POT1: variants seen among roughly 807,000 people sequenced by gnomAD.
POT1 encodes the protein protection of telomeres 1, also known as protection of telomeres protein 1.
In POT1, 47 loss-of-function variants were observed where a neutral mutation model predicts 78.5. The ratio of observed to expected loss-of-function variants is 0.60; its 90% CI spans 0.47 to 0.76. The LOEUF (loss-of-function observed/expected upper bound fraction) is 0.76, where lower values mean the gene tolerates loss of function less well. Ranked by LOEUF, POT1 falls within the 30% of genes least tolerant of loss-of-function variation. POT1 has a pLI of 0.00. For missense variants in POT1, 646 were observed against 749.9 expected (o/e 0.86, Z 1.62); for synonymous variants, 259 against 260.7 (o/e 0.99, Z 0.06).
At chr7:124,830,580 GTCAAAATTAAATACAGAACTACTTACT>G (rs1475173167) in intron 15 of POT1, among the ~76,000 whole-genome samples, 1 of 151,968 alleles carries the variant, frequency 6.6e-6, no homozygotes, top group African/African-American at 2.4e-5. Flanking sequence ...AGGATATTAA[GTCAAAATTAAATACAGAACTACTTACT>G]TCCAAAGCAG....
At chr7:124,842,373 A>T (rs900116021) in intron 13 of POT1, among the ~76,000 whole-genome samples, 1 of 152,018 alleles carries the variant, frequency 6.6e-6, no homozygotes. Context: ...AAGAAAATTT[A>T]AATTATATTT....
At chr7:124,869,048 C>T (rs909673349) in intron 7 of POT1, among the ~76,000 whole-genome samples, 2 of 151,932 alleles carry the variant, frequency 1.3e-5, no homozygotes, top group Non-Finnish European at 2.9e-5. Flanking sequence ...AAAGAAGTGG[C>T]TGAATTATTA....
At position 124,841,055 on chromosome 7, in the gene POT1, T is replaced by G. The variant is rs777842421; in HGVS notation, c.1287A>C (p.Gln429His). 1.9e-6 allele frequency: 3 copies of G among 1,612,880 alleles called. No individual in the cohort carries two copies. In the Admixed American group the frequency reaches 5.0e-5, roughly 27 times the overall value. Residue 429 changes from glutamine to histidine, a missense_variant, in exon 14 of 19, where the codon CAA (glutamine) becomes CAC (histidine). Coordinates refer to ENST00000357628, the MANE Select transcript of POT1 (RefSeq NM_015450.3). ...YDSKIWTTKNQKGRKVAVHFV... is the reference protein window; with the variant it reads ...YDSKIWTTKNHKGRKVAVHFV... ...AATGAACTGCTACTTTTCGTCCTTT[T>G]TGATTTTTAGTGGTCCAGATTTTTG...
chr7:124,885,562 C>T (rs1796224228), intron 6 of POT1, among the ~76,000 whole-genome samples: 1 of 151,874 alleles, frequency 6.6e-6, no homozygotes, highest in Non-Finnish European at 1.5e-5. Flanking sequence ...GTCAGGAGAT[C>T]GAGACCATCC....
intron 15 of POT1, among the ~76,000 whole-genome samples, chr7:124,832,013 A>AT (rs1321993747): frequency 9.8e-4 from 148 of 150,662 alleles, no homozygotes; most frequent in African/African-American, 3.4e-3. Flanking sequence ...AAAAAAAAAA[A>AT]AAAAAAAAAG....
chr7:124,857,054 T>C (rs1026298863), intron 9 of POT1, among the ~76,000 whole-genome samples: 2 of 152,176 alleles, frequency 1.3e-5, no homozygotes, highest in Non-Finnish European at 2.9e-5. Context: ...TGTTGTTTTG[T>C]TTTCTAATTA....
intron 15 of POT1, among the ~76,000 whole-genome samples, chr7:124,830,447 T>C (rs981586568): frequency 3.3e-5 from 5 of 152,178 alleles, no homozygotes; most frequent in Non-Finnish European, 7.4e-5. Context: ...TTATTAAATA[T>C]ATAGGTGTTT....
intron 2 of POT1, among the ~76,000 whole-genome samples, chr7:124,923,751 T>TA (rs941364245): frequency 0.01 from 1,432 of 143,052 alleles, 17 homozygotes; most frequent in African/African-American, 0.023. Context: ...AAGTCAAAGT[T>TA]AAAAAAAAAA....
At chr7:124,827,699 T>C (rs543457756) in intron 16 of POT1, among the ~76,000 whole-genome samples, 3 of 152,324 alleles carry the variant, frequency 2.0e-5, no homozygotes, top group East Asian at 3.9e-4. Flanking sequence ...GAATATCTTA[T>C]GATAAGCAAT....
At chr7:124,870,487 T>C (rs1476599359) in intron 7 of POT1, among the ~76,000 whole-genome samples, 2 of 152,154 alleles carry the variant, frequency 1.3e-5, no homozygotes, top group African/African-American at 4.8e-5. Flanking sequence ...ATGTTTTCAT[T>C]GAACTTGAAT....
intron 9 of POT1, among the ~76,000 whole-genome samples, chr7:124,858,121 C>T (rs921392700): frequency 2.6e-5 from 4 of 152,102 alleles, no homozygotes; most frequent in African/African-American, 4.8e-5. Context: ...AGTTCCTGCC[C>T]GTGAAGGGGT....
At chr7:124,890,480 T>A (rs1340353618) in intron 6 of POT1, among the ~76,000 whole-genome samples, 1 of 151,964 alleles carries the variant, frequency 6.6e-6, no homozygotes, top group East Asian at 1.9e-4. Context: ...TAAGTTCTAC[T>A]GTGAATAAAA....
chr7:124,901,060 C>A (rs1796607322), intron 3 of POT1, among the ~76,000 whole-genome samples: 1 of 152,142 alleles, frequency 6.6e-6, no homozygotes, highest in African/African-American at 2.4e-5. Flanking sequence ...CTGTAGATTC[C>A]ACCTCTGGGG....
At chr7:124,907,683 G>A (rs1010224283) in intron 3 of POT1, among the ~76,000 whole-genome samples, 2 of 152,090 alleles carry the variant, frequency 1.3e-5, no homozygotes, top group Non-Finnish European at 2.9e-5. Flanking sequence ...TGATGTCATT[G>A]CAGGTTCACC....
chr7:124,870,913 T>C lies in POT1; in HGVS notation c.253A>G (p.Lys85Glu). ...GTTCTAGACAATATGAATTATACCT[T>C]CAGCCTGTGAAAGCGAACAATATCT... is the stretch of plus-strand genomic sequence containing the variant. ...NGDIVRFHRLKIQVYKKETQG... is the reference protein window; with the variant it reads ...NGDIVRFHRLEIQVYKKETQG... Residue 85 changes from lysine (K) to glutamate (E), a missense_variant and splice_region_variant, in exon 7 of 19, where the codon AAG becomes GAG. By Grantham distance (56) the Lys-to-Glu change is moderately conservative. This residue lies in a region of POT1 where 252 missense variants were observed against 341.4 expected (regional missense o/e 0.74). Coordinates refer to ENST00000357628, the MANE Select transcript of POT1 (RefSeq NM_015450.3). The C allele has an allele frequency of 1.2e-6, 2 of 1,605,368 alleles. No homozygotes were observed. Among genetic ancestry groups the C allele is most frequent in the Non-Finnish European group, 1.7e-6 (2 of 1,175,620 alleles).
chr7:124,924,266 C>T (rs1490148271), intron 2 of POT1, among the ~76,000 whole-genome samples: 1 of 150,650 alleles, frequency 6.6e-6, no homozygotes, highest in Non-Finnish European at 1.5e-5. Context: ...GAGAAAAGAT[C>T]CAAATAAAAT....
chr7:124,915,226 T>C (rs1796988855), intron 3 of POT1, among the ~76,000 whole-genome samples: 1 of 152,234 alleles, frequency 6.6e-6, no homozygotes, highest in Non-Finnish European at 1.5e-5. Context: ...AGATGAGATC[T>C]ACTTTTGTCC....
intron 14 of POT1, chr7:124,837,270 G>T: frequency 5.5e-6 from 1 of 182,962 alleles, no homozygotes; most frequent in Non-Finnish European, 1.2e-5. Context: ...CTGACACATA[G>T]TCTATTCAGT....
At chr7:124,829,197 G>T in intron 16 of POT1, 57 bp downstream of exon 16, 1 of 1,178,952 alleles carries the variant, frequency 8.5e-7, no homozygotes, top group Non-Finnish European at 1.3e-6. Context: ...ATATAAGTAG[G>T]TGAAATAACC....
Sources: gnomAD v4.1 joint callset for allele counts (sites outside exome capture counted in the v4.1 genomes callset) on GRCh38, gnomAD v4.1.1 for gene constraint, gnomAD v4.1.1 regional missense constraint, MANE v1.5 for transcripts, NCBI Gene and HGNC (gene_info 2026-07-23, HGNC 2026-07-21) for gene names.